The following NSUN2 variants were observed in gnomAD, a reference collection of about 807,000 sequenced individuals.
NSUN2 encodes RNA cytosine C(5)-methyltransferase NSUN2.
Under a neutral mutation model 92.7 loss-of-function variants are expected in NSUN2, and 63 were observed. The observed-to-expected ratio is 0.68, with a 90% CI of 0.56 to 0.84. NSUN2 has a LOEUF of 0.84. NSUN2 is among the 40% of genes least tolerant of loss of function. The pLI is 0.00. For synonymous variants in NSUN2, 356 were observed against 348.3 expected (o/e 1.02, Z -0.25); for missense variants, 989 against 964.9 (o/e 1.02, Z -0.33).
intron 4 of NSUN2, among the ~76,000 whole-genome samples, 170 bp downstream of exon 4, chr5:6,625,394 C>T (rs777281752): frequency 1.3e-4 from 20 of 152,154 alleles, no homozygotes; most frequent in Admixed American, 2.6e-4. Flanking sequence ...AACAAGGCAA[C>T]GGATATACAA....
At chr5:6,619,462 C>T (rs1179466106) in intron 7 of NSUN2, among the ~76,000 whole-genome samples, 2 of 151,488 alleles carry the variant, frequency 1.3e-5, no homozygotes, top group Non-Finnish European at 3.0e-5. Context: ...ATCATCCGTG[C>T]ACCTCCTATG....
At chr5:6,607,159 G>A (rs1579357941) in intron 13 of NSUN2, 41 bp downstream of exon 13, 1 of 1,593,098 alleles carries the variant, frequency 6.3e-7, no homozygotes, top group Non-Finnish European at 8.6e-7. Context: ...GGACTGTGAA[G>A]ACACCAGCGT....
In NSUN2 at chr5:6,632,758, T is replaced by A. The variant is rs1246791081; in HGVS notation, c.97-2A>T. ...CTCGGGGTAGCCTCCTTCCCAGCCC[T>A]GAGGAAGGAAAGAGACGTCTACCCC... is the stretch of plus-strand genomic sequence containing the variant. On this transcript the variant is annotated splice_acceptor_variant, in intron 1 of 18. Transcript: ENST00000264670. LOFTEE classifies it high-confidence loss of function. 1.9e-6 allele frequency: 3 copies of A among 1,612,666 alleles called. No individual in the cohort carries two copies. Among genetic ancestry groups the A allele is most frequent in the African/African-American group, 2.7e-5 (2 of 74,806 alleles).
At chr5:6,616,971 TAAAA>T (rs557393848) in intron 8 of NSUN2, 114 bp from the exon 9 acceptor site, 1 of 923,842 alleles carries the variant, frequency 1.1e-6, no homozygotes, top group African/African-American at 1.7e-5. Context: ...CAATTATACT[TAAAA>T]AAAACCTTCC....
chr5:6,611,191 C>T, intron 10 of NSUN2, 106 bp from the exon 11 acceptor site: 1 of 1,249,486 alleles, frequency 8.0e-7, no homozygotes. Flanking sequence ...TGGTGATTCT[C>T]ATTCACTCCA....
intron 5 of NSUN2, among the ~76,000 whole-genome samples, chr5:6,622,787 C>G (rs1190339184): frequency 1.4e-5 from 2 of 147,948 alleles, no homozygotes; most frequent in Admixed American, 1.4e-4. Flanking sequence ...GCGGAGGTTG[C>G]AGTGAGCCAA....
chr5:6,609,003 C>G (rs946438987), intron 12 of NSUN2, among the ~76,000 whole-genome samples: 2 of 152,208 alleles, frequency 1.3e-5, no homozygotes, highest in African/African-American at 4.8e-5. Context: ...GCAGTCGCCC[C>G]CTTTGCCCGT....
intron 14 of NSUN2, among the ~76,000 whole-genome samples, chr5:6,606,048 G>C (rs1427553587): frequency 6.6e-6 from 1 of 152,130 alleles, no homozygotes. Flanking sequence ...GTAAGTGACC[G>C]CCCTGGTAAA....
At position 6,622,037 on chromosome 5, in the gene NSUN2, C is replaced by CGGCATGT. The variant is rs1560982487; in HGVS notation, c.594_600dup (p.Asp201ThrfsTer17). ...ATACCTGGAAAGGGGACATTCATGT[C>CGGCATGT]GGCATGTAGCATTTCAATTAACTGT... is the stretch of plus-strand genomic sequence containing the variant. On this transcript the variant is annotated frameshift_variant, in exon 6 of 19. Transcript: ENST00000264670. LOFTEE classifies it high-confidence loss of function. The CGGCATGT allele has an allele frequency of 1.9e-6, 3 of 1,613,964 alleles. No individual in the cohort carries two copies. Among genetic ancestry groups the CGGCATGT allele is most frequent in the Non-Finnish European group, 1.7e-6 (2 of 1,179,824 alleles).
chr5:6,621,896 C>A (rs376720426), intron 6 of NSUN2, 120 bp downstream of exon 6: 31 of 774,658 alleles, frequency 4.0e-5, no homozygotes, highest in Middle Eastern at 2.3e-4. Flanking sequence ...GACGGAAAAC[C>A]CAACTGCTTG....
At chr5:6,606,942 A>T in intron 13 of NSUN2, 30 bp from the exon 14 acceptor site, 1 of 1,300,896 alleles carries the variant, frequency 7.7e-7, no homozygotes, top group Non-Finnish European at 1.1e-6. Context: ...GAGACAAATC[A>T]ATCTGTAATG....
At chr5:6,609,116 G>A (rs918430248) in intron 12 of NSUN2, among the ~76,000 whole-genome samples, 2 of 152,226 alleles carry the variant, frequency 1.3e-5, no homozygotes, top group Middle Eastern at 3.4e-3. Context: ...AAAGCTAAGC[G>A]TTTTTTGTCC....
At chr5:6,630,195 C>G (rs1220017657) in intron 3 of NSUN2, among the ~76,000 whole-genome samples, 2 of 152,232 alleles carry the variant, frequency 1.3e-5, no homozygotes, top group Non-Finnish European at 2.9e-5. Context: ...ACCTTTTCCA[C>G]TGATCTCACT....
At position 6,606,929 on chromosome 5, in the gene NSUN2, G is replaced by A. The variant is rs1736800937; in HGVS notation, c.1509-17C>T. On this transcript the variant is annotated splice_polypyrimidine_tract_variant and intron_variant, in intron 13 of 18. Coordinates refer to ENST00000264670, the MANE Select transcript of NSUN2 (RefSeq NM_017755.6). ...GGAGGAGGACTAAAAAGGGAATCAG[G>A]ATGAGACAAATCAATCTGTAATGTG... The A allele has an allele frequency of 1.4e-6, 2 of 1,425,280 alleles. No individual in the cohort carries two copies. Among genetic ancestry groups the A allele is most frequent in the Non-Finnish European group, 2.0e-6 (2 of 1,013,734 alleles). The allele number at this position is 1,425,280 out of a possible 1,614,324, so 88.3% of individuals were successfully genotyped here. A position where few individuals can be genotyped will look rare whatever the true frequency, so the allele number is the denominator to read the frequency against.
intron 14 of NSUN2, 64 bp from the exon 15 acceptor site, chr5:6,605,472 C>CTT: frequency 6.5e-7 from 1 of 1,543,524 alleles, no homozygotes; most frequent in Non-Finnish European, 8.9e-7. Flanking sequence ...TGTTTCTAAA[C>CTT]ATCTTATTCT....
At chr5:6,628,191 T>C (rs1296877468) in intron 3 of NSUN2, among the ~76,000 whole-genome samples, 5 of 151,712 alleles carry the variant, frequency 3.3e-5, no homozygotes, top group Non-Finnish European at 5.9e-5. Flanking sequence ...GTACAAAAAA[T>C]AGAAAAAATA....
At chr5:6,623,689 C>A (rs192398903) in intron 4 of NSUN2, among the ~76,000 whole-genome samples, 140 of 152,330 alleles carry the variant, frequency 9.2e-4, no homozygotes, top group Non-Finnish European at 1.5e-3. Context: ...GTTTTTCCTT[C>A]TTGCCTAAAA....
intron 9 of NSUN2, among the ~76,000 whole-genome samples, chr5:6,612,062 T>G (rs1737015950): frequency 6.6e-6 from 1 of 152,184 alleles, no homozygotes; most frequent in South Asian, 2.1e-4. Flanking sequence ...AGCTGGACTG[T>G]GGTAAGGCGC....
Position 6,602,449 on chromosome 5 carries a change from G to A in NSUN2, c.1997+12C>T, listed in dbSNP as rs1299317265. 1.2e-6 allele frequency: 2 copies of A among 1,613,196 alleles called. No homozygotes were observed. Among genetic ancestry groups the A allele is most frequent in the East Asian group, 4.5e-5 (2 of 44,878 alleles). ...GCGTGTGTGTCTAAGGGCAGGGCGTGTACTGACTTACGCAGAATCTGGTTC... is the reference window on the plus strand; with the variant it reads ...GCGTGTGTGTCTAAGGGCAGGGCGTATACTGACTTACGCAGAATCTGGTTC... On this transcript the variant is annotated intron_variant, in intron 18 of 18. Transcript: ENST00000264670.
Sources: gnomAD v4.1 joint callset for allele counts (sites outside exome capture counted in the v4.1 genomes callset) on GRCh38, gnomAD v4.1.1 for gene constraint, MANE v1.5 for transcripts, NCBI Gene and HGNC (gene_info 2026-07-23, HGNC 2026-07-21) for gene names.